Variants in SKIDA1 observed in about 807,000 individuals in gnomAD.
The protein encoded by SKIDA1 is SKI/DACH domain containing 1.
In SKIDA1, 18 loss-of-function variants were observed where a neutral mutation model predicts 51.4. That is an observed-to-expected ratio of 0.35 (90% CI 0.24 to 0.52). The LOEUF (loss-of-function observed/expected upper bound fraction) is 0.52. Among genes scored for constraint, SKIDA1 ranks in the 20% least tolerant of loss-of-function variants. The pLI, the probability that SKIDA1 is intolerant of heterozygous loss-of-function variation, is 0.95. For synonymous variants in SKIDA1, 579 were observed against 500.5 expected (o/e 1.16, Z -2.09); for missense variants, 1,104 against 1,180.6 (o/e 0.94, Z 0.95).
rs1379852828 is a variant in SKIDA1, at chr10:21,518,874, A to C, written c.-1052T>G. 1 of 158,204 alleles carries C rather than the reference A, an allele frequency of 6.3e-6. No homozygotes were observed. The highest frequency in any genetic ancestry group is 1.5e-5 in the Non-Finnish European group (1 of 66,002). The allele number at this position is 158,204 out of a possible 1,614,324, so 9.8% of individuals were successfully genotyped here. On this transcript the variant is annotated 5_prime_UTR_variant, in exon 4 of 4. The change creates a new upstream start codon in the 5' untranslated region. Coordinates refer to ENST00000449193, the MANE Select transcript of SKIDA1 (RefSeq NM_207371.4). ...CCTTTTTTTTTTTTTTTTTTCCTGA[A>C]ATGCCTTTTTACAACCAGAAACAAA...
Position 21,517,089 on chromosome 10 carries a change from TAGGCG to T in SKIDA1, c.729_733del (p.Ala244LeufsTer193). 1 of 971,454 alleles carries T rather than the reference TAGGCG, an allele frequency of 1.0e-6. No individual in the cohort carries two copies. The highest frequency in any genetic ancestry group is 1.2e-6 in the Non-Finnish European group (1 of 830,716). 60.2% of individuals were successfully genotyped at this position (971,454 alleles called of 1,614,324 possible). A position where few individuals can be genotyped will look rare whatever the true frequency, so the allele number is the denominator to read the frequency against. Reference sequence around the variant, plus strand: ...GGGCCCGGCCGCCGATACCTGGTAATAGGCGGCGGCGGCGGCGGCGGCGGCGGCGG... The same window carrying T: ...GGGCCCGGCCGCCGATACCTGGTAATGCGGCGGCGGCGGCGGCGGCGGCGG... On this transcript the variant is annotated frameshift_variant, in exon 4 of 4. Transcript: ENST00000449193. LOFTEE classifies it high-confidence loss of function. This position sits in a 1 kb window ranked among gnomAD's most constrained non-coding sequence, Gnocchi z 6.9.
chr10:21,516,875 G>GGCCGCCGCCGCCGCTGCCGCCGCCGCC lies in SKIDA1; in HGVS notation c.921_947dup (p.Ala310_Ala318dup), dbSNP rs745927830. Reference sequence around the variant, plus strand: ...TCTCCAGGCAAGTGGCCCCCGCGGCGGCCGCCGCCGCCGCTGCCGCCGCCG... The same window carrying GGCCGCCGCCGCCGCTGCCGCCGCCGCC: ...TCTCCAGGCAAGTGGCCCCCGCGGCGGCCGCCGCCGCCGCTGCCGCCGCCGCCGCCGCCGCCGCCGCTGCCGCCGCCG... On this transcript the variant is annotated inframe_insertion, in exon 4 of 4. Transcript: ENST00000449193. This position sits in a 1 kb window ranked among gnomAD's most constrained non-coding sequence, Gnocchi z 5.7. 1.6e-6 allele frequency: 2 copies of GGCCGCCGCCGCCGCTGCCGCCGCCGCC among 1,290,140 alleles called. No homozygotes were observed. The highest frequency in any genetic ancestry group is 3.1e-5 in the African/African-American group (2 of 64,558). 79.9% of individuals were successfully genotyped at this position (1,290,140 alleles called of 1,614,324 possible). A position where few individuals can be genotyped will look rare whatever the true frequency, so the allele number is the denominator to read the frequency against.
chr10:21,516,897 G>GGGTGTTTGCTGCACAGCAGGCT lies in SKIDA1; in HGVS notation c.925_926insAGCCTGCTGTGCAGCAAACACC (p.Ala309GlufsTer137), dbSNP rs2131272042. The GGGTGTTTGCTGCACAGCAGGCT allele has an allele frequency of 2.6e-6, 3 of 1,176,378 alleles. No homozygotes were observed. The highest frequency in any genetic ancestry group is 4.0e-5 in the South Asian group (1 of 25,016). The allele number at this position is 1,176,378 out of a possible 1,614,324, so 72.9% of individuals were successfully genotyped here. ...GGCGGCCGCCGCCGCCGCTGCCGCC[G>GGGTGTTTGCTGCACAGCAGGCT]CCGCCGCCGCCGCCGCCGCCTTGGC... is the stretch of plus-strand genomic sequence containing the variant. On this transcript the variant is annotated frameshift_variant, in exon 4 of 4. Coordinates refer to ENST00000449193, the MANE Select transcript of SKIDA1 (RefSeq NM_207371.4). LOFTEE classifies it high-confidence loss of function. The surrounding 1 kb of genome is among the most constrained non-coding windows in gnomAD (Gnocchi z 5.7).
chr10:21,517,449 G>C lies in SKIDA1; in HGVS notation c.374C>G (p.Ala125Gly), dbSNP rs1028865284. Residue 125 changes from alanine to glycine, a missense_variant, in exon 4 of 4, where the codon GCC (alanine) becomes GGC (glycine). Ala to Gly is a moderately conservative substitution (Grantham distance 60). Around this residue, in one of 3 missense-constraint regions of SKIDA1, gnomAD observed 938 missense variants for 886.4 expected, o/e 1.06. Coordinates refer to ENST00000449193, the MANE Select transcript of SKIDA1 (RefSeq NM_207371.4). The surrounding 1 kb of genome is among the most constrained non-coding windows in gnomAD (Gnocchi z 6.9). ...CTTCCAAAATCCCGGGCGGGGGCTG[G>C]CGGCAGCGGCGCGCTCTGGCGGCGG... is the stretch of plus-strand genomic sequence containing the variant. ...KAPPPERAAAASPRPGFWKDK... is the reference protein window; with the variant it reads ...KAPPPERAAAGSPRPGFWKDK... 58 of 1,508,988 alleles carry C rather than the reference G, an allele frequency of 3.8e-5. No homozygotes were observed. Among genetic ancestry groups the C allele is most frequent in the Non-Finnish European group, 4.9e-5 (55 of 1,133,604 alleles). 93.5% of individuals were successfully genotyped at this position (1,508,988 alleles called of 1,614,324 possible).
At chr10:21,522,406 T>C (rs2032428589) in intron 2 of SKIDA1, among the ~76,000 whole-genome samples, 2 of 151,454 alleles carry the variant, frequency 1.3e-5, no homozygotes, top group Non-Finnish European at 2.9e-5. Flanking sequence ...ACAATGTAAG[T>C]ATGCTGGTTA....
intron 3 of SKIDA1, among the ~76,000 whole-genome samples, chr10:21,520,386 A>G (rs957258667): frequency 6.6e-5 from 10 of 152,154 alleles, no homozygotes; most frequent in Admixed American, 2.0e-4. Flanking sequence ...TAGAATGACC[A>G]GAGTCTTTCT....
chr10:21,517,107 G>A lies in SKIDA1; in HGVS notation c.716C>T (p.Ala239Val). The change falls in exon 4 of 4, where the codon GCC becomes GTC. Residue 239 changes from alanine (A) to valine (V), a missense_variant. Ala to Val is a moderately conservative substitution (Grantham distance 64, BLOSUM62 0). Around this residue, in one of 3 missense-constraint regions of SKIDA1, gnomAD observed 938 missense variants for 886.4 expected, o/e 1.06. Coordinates refer to ENST00000449193, the MANE Select transcript of SKIDA1 (RefSeq NM_207371.4). The surrounding 1 kb of genome is among the most constrained non-coding windows in gnomAD (Gnocchi z 6.9). ...CTGGTAATAGGCGGCGGCGGCGGCG[G>A]CGGCGGCGGCGGCAGCAGCGGCGGC... ...AAAAAAAAAA[A>V]AAAAAYYQVS... The A allele has an allele frequency of 9.9e-7, 1 of 1,007,932 alleles. No individual in the cohort carries two copies. 62.4% of individuals were successfully genotyped at this position (1,007,932 alleles called of 1,614,324 possible).
rs1252368775 is a variant in SKIDA1 at position 21,513,734 on chromosome 10, G to A, written c.*1362C>T. ...GGATGGTCTGAAAACACAAGTTTTAGAGAGATGCAGAAAAAGTATAAGGTC... is the reference window on the plus strand; with the variant it reads ...GGATGGTCTGAAAACACAAGTTTTAAAGAGATGCAGAAAAAGTATAAGGTC... On this transcript the variant is annotated 3_prime_UTR_variant, in exon 4 of 4. Coordinates refer to ENST00000449193, the MANE Select transcript of SKIDA1 (RefSeq NM_207371.4). The A allele has an allele frequency of 6.6e-6, 1 of 152,510 alleles. No homozygotes were observed. The highest frequency in any genetic ancestry group is 1.5e-5 in the Non-Finnish European group (1 of 68,008). The allele number at this position is 152,510 out of a possible 1,614,324, so 9.4% of individuals were successfully genotyped here.
chr10:21,522,554 C>T (rs2032432317), intron 2 of SKIDA1, among the ~76,000 whole-genome samples: 1 of 152,098 alleles, frequency 6.6e-6, no homozygotes, highest in Non-Finnish European at 1.5e-5. Context: ...AGTTCTTTAG[C>T]TAAGTTTATC....
Position 21,515,719 on chromosome 10 carries a change from G to A in SKIDA1, c.2104C>T (p.Leu702Phe). The change falls in exon 4 of 4, where the codon CTT becomes TTT. Residue 702 changes from leucine to phenylalanine, a missense_variant. Physicochemically the swap from Leu to Phe is conservative, Grantham distance 22 (BLOSUM62 0). Transcript: ENST00000449193. ...SSANEEYEPHLFTNKLKCECN... is the reference protein window; with the variant it reads ...SSANEEYEPHFFTNKLKCECN... Reference sequence around the variant, plus strand: ...TCGCACTTTAGCTTATTTGTAAAAAGGTGAGGTTCATATTCTTCATTAGCA... The same window carrying A: ...TCGCACTTTAGCTTATTTGTAAAAAAGTGAGGTTCATATTCTTCATTAGCA... 1.2e-6 allele frequency: 2 copies of A among 1,613,976 alleles called. No homozygotes were observed. Among genetic ancestry groups the A allele is most frequent in the Non-Finnish European group, 1.7e-6 (2 of 1,179,894 alleles).
Position 21,517,953 on chromosome 10 carries a change from A to C in SKIDA1, c.-131T>G. ...GCATCCTGCTAATAAAATAACAAAG[A>C]CTGTTATTCCCGGCGAAGGAAGTGC... On this transcript the variant is annotated 5_prime_UTR_variant, in exon 4 of 4. Coordinates refer to ENST00000449193, the MANE Select transcript of SKIDA1 (RefSeq NM_207371.4). The surrounding 1 kb of genome is among the most constrained non-coding windows in gnomAD (Gnocchi z 6.9). 3.8e-6 allele frequency: 3 copies of C among 785,548 alleles called. No homozygotes were observed. The highest frequency in any genetic ancestry group is 3.7e-6 in the Non-Finnish European group (2 of 543,260). The allele number at this position is 785,548 out of a possible 1,614,324, so 48.7% of individuals were successfully genotyped here. A position where few individuals can be genotyped will look rare whatever the true frequency, so the allele number is the denominator to read the frequency against.
chr10:21,524,960 G>T lies in SKIDA1; in HGVS notation c.-2118+587C>A, dbSNP rs183544793. Among the ~76,000 whole-genome samples, 81 of 152,280 alleles carry T rather than the reference G, an allele frequency of 5.3e-4. 1 individual carries two copies. The East Asian group carries it at 0.015, about 28-fold the overall frequency. On this transcript the variant is annotated intron_variant, in intron 1 of 3. Coordinates refer to ENST00000449193, the MANE Select transcript of SKIDA1 (RefSeq NM_207371.4). Reference sequence around the variant, plus strand: ...TTGTTGAACTAAGAATGAGAAAAAAGTTGAGAGGCAGATATAGACTAAATA... The same window carrying T: ...TTGTTGAACTAAGAATGAGAAAAAATTTGAGAGGCAGATATAGACTAAATA...
rs962122267 is a variant in SKIDA1, at chr10:21,519,590, T to C, written c.-1768A>G. The C allele has an allele frequency of 6.0e-6, 1 of 167,090 alleles. No homozygotes were observed. The highest frequency in any genetic ancestry group is 2.4e-5 in the African/African-American group (1 of 41,458). 10.4% of individuals were successfully genotyped at this position (167,090 alleles called of 1,614,324 possible). On this transcript the variant is annotated 5_prime_UTR_variant, in exon 4 of 4. Coordinates refer to ENST00000449193, the MANE Select transcript of SKIDA1 (RefSeq NM_207371.4). ...AACATAAATGCAACCCAGGCATTTA[T>C]GTGTTTCCTTGTTCCTCCAAAAATA...
chr10:21,517,927 G>C lies in SKIDA1; in HGVS notation c.-105C>G, dbSNP rs1483261815. 9.7e-7 allele frequency: 1 copy of C among 1,030,616 alleles called. No homozygotes were observed. The highest frequency in any genetic ancestry group is 1.3e-6 in the Non-Finnish European group (1 of 743,106). 63.8% of individuals were successfully genotyped at this position (1,030,616 alleles called of 1,614,324 possible). A position where few individuals can be genotyped will look rare whatever the true frequency, so the allele number is the denominator to read the frequency against. On this transcript the variant is annotated 5_prime_UTR_variant, in exon 4 of 4. Transcript: ENST00000449193. The surrounding 1 kb of genome is among the most constrained non-coding windows in gnomAD (Gnocchi z 6.9). ...CAGCCAGATGCTGCGTGTGTCTCAA[G>C]GCATCCTGCTAATAAAATAACAAAG...
At chr10:21,520,203 A>G (rs1472273880) in intron 3 of SKIDA1, among the ~76,000 whole-genome samples, 1 of 152,244 alleles carries the variant, frequency 6.6e-6, no homozygotes, top group Non-Finnish European at 1.5e-5. Flanking sequence ...GAGAGGCAGC[A>G]ATGAACAATG....
rs762796727 is a variant in SKIDA1, at chr10:21,516,768, CGGTGGTGGTGGTGGTGGTGGTGATGGT to C, written c.1028_1054del (p.His343_His351del). On this transcript the variant is annotated inframe_deletion, in exon 4 of 4. Coordinates refer to ENST00000449193, the MANE Select transcript of SKIDA1 (RefSeq NM_207371.4). The surrounding 1 kb of genome is among the most constrained non-coding windows in gnomAD (Gnocchi z 5.7). ...GTGACTCTGCTGCGGCGGCTGGGCC[CGGTGGTGGTGGTGGTGGTGGTGATGGT>C]GGTGGTGGTGGTGGTGGTGCGGAGG... 50 of 1,538,476 alleles carry C rather than the reference CGGTGGTGGTGGTGGTGGTGGTGATGGT, an allele frequency of 3.2e-5. No individual in the cohort carries two copies. The highest frequency in any genetic ancestry group is 3.9e-5 in the Non-Finnish European group (45 of 1,142,704).
Position 21,514,398 on chromosome 10 carries a change from AC to A in SKIDA1, c.*697del, listed in dbSNP as rs2032129512. The A allele has an allele frequency of 6.6e-6, 1 of 152,048 alleles. No individual in the cohort carries two copies. The highest frequency in any genetic ancestry group is 1.5e-5 in the Non-Finnish European group (1 of 67,952). The allele number at this position is 152,048 out of a possible 1,614,324, so 9.4% of individuals were successfully genotyped here. The stretch of plus-strand genomic sequence containing the variant: ...CTTTAAAAGTAAAATCACACCCTTT[AC>A]AAAAAAAATACAATTCCGTATTTAT... On this transcript the variant is annotated 3_prime_UTR_variant, in exon 4 of 4. Coordinates refer to ENST00000449193, the MANE Select transcript of SKIDA1 (RefSeq NM_207371.4).
rs920710358 is a variant in SKIDA1, at chr10:21,516,881, C to CGCCGCCGCT, written c.933_941dup (p.Ala316_Ala318dup). On this transcript the variant is annotated inframe_insertion, in exon 4 of 4. Coordinates refer to ENST00000449193, the MANE Select transcript of SKIDA1 (RefSeq NM_207371.4). The surrounding 1 kb of genome is among the most constrained non-coding windows in gnomAD (Gnocchi z 5.7). ...GGCAAGTGGCCCCCGCGGCGGCCGC[C>CGCCGCCGCT]GCCGCCGCTGCCGCCGCCGCCGCCG... The CGCCGCCGCT allele has an allele frequency of 1.0e-5, 12 of 1,174,198 alleles. No homozygotes were observed. Among genetic ancestry groups the CGCCGCCGCT allele is most frequent in the Middle Eastern group, 6.8e-4 (2 of 2,946 alleles). The allele number at this position is 1,174,198 out of a possible 1,614,324, so 72.7% of individuals were successfully genotyped here. A position where few individuals can be genotyped will look rare whatever the true frequency, so the allele number is the denominator to read the frequency against.
In SKIDA1 at chr10:21,517,908, G is replaced by T; in HGVS notation, c.-86C>A. 8.2e-7 allele frequency: 1 copy of T among 1,218,090 alleles called. No homozygotes were observed. Among genetic ancestry groups the T allele is most frequent in the Non-Finnish European group, 1.1e-6 (1 of 899,842 alleles). The allele number at this position is 1,218,090 out of a possible 1,614,324, so 75.5% of individuals were successfully genotyped here. A position where few individuals can be genotyped will look rare whatever the true frequency, so the allele number is the denominator to read the frequency against. On this transcript the variant is annotated 5_prime_UTR_variant, in exon 4 of 4. It adds an upstream start codon to the 5' untranslated region. Transcript: ENST00000449193. The surrounding 1 kb of genome is among the most constrained non-coding windows in gnomAD (Gnocchi z 6.9). ...ATGTATGTATGTTAATCCTCAGCCA[G>T]ATGCTGCGTGTGTCTCAAGGCATCC...
Sources: gnomAD v4.1 joint callset for allele counts (sites outside exome capture counted in the v4.1 genomes callset) on GRCh38, gnomAD v4.1.1 for gene constraint, gnomAD v4.1.1 regional missense constraint, Gnocchi (gnomAD v3.1) non-coding constraint, MANE v1.5 for transcripts, NCBI Gene and HGNC (gene_info 2026-07-23, HGNC 2026-07-21) for gene names.